Variants in IP6K2 observed in about 807,000 individuals in gnomAD.
IP6K2 encodes the protein inositol hexakisphosphate kinase 2, also known as ATP:1D-myo-inositol-hexakisphosphate phosphotransferase.
IP6K2 carries 9 observed loss-of-function variants against 43.3 expected under a neutral mutation model. The observed-to-expected ratio is 0.21, with a 90% CI of 0.13 to 0.36. IP6K2 has a LOEUF of 0.36. Ranked by LOEUF, IP6K2 falls within the 10% of genes least tolerant of loss-of-function variation. IP6K2 has a pLI of 1.00. For missense variants in IP6K2, 332 were observed against 538.4 expected (o/e 0.62, Z 3.79); for synonymous variants, 209 against 202.4 (o/e 1.03, Z -0.28).
intron 1 of IP6K2, chr3:48,716,468 G>A (rs968139049): frequency 6.6e-6 from 1 of 152,094 alleles, no homozygotes; most frequent in African/African-American, 2.4e-5. Flanking sequence ...ATATGAGAAC[G>A]AATACAATCC....
chr3:48,690,826 A>G (rs891379778), intron 4 of IP6K2, among the ~76,000 whole-genome samples: 3 of 151,880 alleles, frequency 2.0e-5, no homozygotes, highest in Non-Finnish European at 4.4e-5. Context: ...AGAGAGAGGA[A>G]AAAAAGAAAA....
intron 1 of IP6K2, among the ~76,000 whole-genome samples, chr3:48,716,127 T>C (rs552836904): frequency 6.6e-6 from 1 of 152,358 alleles, no homozygotes; most frequent in East Asian, 1.9e-4. Context: ...ATAAGCATCT[T>C]AGTTCACTTA....
chr3:48,704,008 C>T (rs2079385716), intron 1 of IP6K2, among the ~76,000 whole-genome samples: 1 of 152,072 alleles, frequency 6.6e-6, no homozygotes, highest in Non-Finnish European at 1.5e-5. Flanking sequence ...AGGAGAATTG[C>T]TTGAACCCAG....
intron 2 of IP6K2, chr3:48,693,565 A>G: frequency 1.7e-6 from 2 of 1,192,366 alleles, no homozygotes; most frequent in Non-Finnish European, 1.1e-6. Flanking sequence ...AGAAACTCCA[A>G]CAGCCTCATG....
At chr3:48,694,050 C>T in intron 2 of IP6K2, 1 of 1,441,150 alleles carries the variant, frequency 6.9e-7, no homozygotes, top group East Asian at 2.6e-5. Context: ...ACTCAATCTG[C>T]TCAGTCCTCG....
intron 1 of IP6K2, among the ~76,000 whole-genome samples, chr3:48,714,632 C>T (rs1245185229): frequency 6.6e-6 from 1 of 152,106 alleles, no homozygotes; most frequent in Non-Finnish European, 1.5e-5. Flanking sequence ...ACCTCATGAT[C>T]CAACCGCCTT....
At chr3:48,691,810 A>G (rs528392922) in intron 3 of IP6K2, among the ~76,000 whole-genome samples, 1 of 150,008 alleles carries the variant, frequency 6.7e-6, no homozygotes, top group African/African-American at 2.5e-5. Flanking sequence ...CAAAAAATAA[A>G]TAAATAAATA....
intron 1 of IP6K2, chr3:48,699,721 A>G (rs2078819002): frequency 6.6e-6 from 1 of 152,164 alleles, no homozygotes; most frequent in African/African-American, 2.4e-5. Context: ...TTTTAGTACC[A>G]GTTCTGCTAC....
intron 1 of IP6K2, chr3:48,715,166 G>A (rs991067148): frequency 2.3e-6 from 2 of 858,580 alleles, no homozygotes; most frequent in Non-Finnish European, 3.7e-6. Flanking sequence ...GTAATAACAT[G>A]AGAATAATCA....
chr3:48,692,053 G>A (rs1222882823), intron 3 of IP6K2, among the ~76,000 whole-genome samples: 2 of 151,932 alleles, frequency 1.3e-5, no homozygotes, highest in Non-Finnish European at 2.9e-5. Context: ...GGCTGGTCTC[G>A]AACTCCTGAC....
chr3:48,704,506 T>A (rs898978815), intron 1 of IP6K2, among the ~76,000 whole-genome samples: 1 of 151,470 alleles, frequency 6.6e-6, no homozygotes, highest in South Asian at 2.1e-4. Flanking sequence ...AGGGTCTCCA[T>A]TGTTAAGGCT....
chr3:48,698,530 C>T (rs967769096), intron 1 of IP6K2, among the ~76,000 whole-genome samples: 6 of 152,108 alleles, frequency 3.9e-5, no homozygotes, highest in Non-Finnish European at 1.5e-5. Flanking sequence ...AGTGCAGTGG[C>T]GCGACCTTGG....
intron 1 of IP6K2, among the ~76,000 whole-genome samples, chr3:48,698,709 T>C (rs1009169235): frequency 3.9e-5 from 6 of 152,084 alleles, no homozygotes; most frequent in African/African-American, 1.2e-4. Context: ...CTGACCTTAA[T>C]TGATCTGCCC....
intron 1 of IP6K2, among the ~76,000 whole-genome samples, chr3:48,711,668 A>C (rs1433744291): frequency 1.3e-5 from 2 of 152,246 alleles, no homozygotes; most frequent in Non-Finnish European, 2.9e-5. Flanking sequence ...AAAATTGAAA[A>C]TGTTTAATAA....
In IP6K2 at chr3:48,695,812, C is replaced by A. The variant is rs1256594856; in HGVS notation, c.-130-391G>T. Among the ~76,000 whole-genome samples, 1 of 148,306 alleles carries A rather than the reference C, an allele frequency of 6.7e-6. No individual in the cohort carries two copies. The highest frequency in any genetic ancestry group is 1.5e-5 in the Non-Finnish European group (1 of 67,326). Reference sequence around the variant, plus strand: ...AGCTTTAAGTGGATGATGCCCAGGTCTCCCATTAATTTTATATATTATATA... The same window carrying A: ...AGCTTTAAGTGGATGATGCCCAGGTATCCCATTAATTTTATATATTATATA... On this transcript the variant is annotated intron_variant, in intron 1 of 5. Transcript: ENST00000328631. This position sits in a 1 kb window ranked among gnomAD's most constrained non-coding sequence, Gnocchi z 4.6.
intron 1 of IP6K2, among the ~76,000 whole-genome samples, chr3:48,698,944 A>G (rs1399685515): frequency 6.6e-6 from 1 of 152,170 alleles, no homozygotes; most frequent in African/African-American, 2.4e-5. Flanking sequence ...GTCTTTTGCT[A>G]TCACAGCAAT....
intron 2 of IP6K2, 194 bp downstream of exon 2, chr3:48,694,896 A>G (rs1281200714): frequency 1.9e-6 from 3 of 1,541,008 alleles, no homozygotes; most frequent in Non-Finnish European, 2.6e-6. Context: ...GAATTGAGCA[A>G]TCTTACCAGG....
At chr3:48,706,274 C>T (rs2079771605) in intron 1 of IP6K2, among the ~76,000 whole-genome samples, 1 of 151,794 alleles carries the variant, frequency 6.6e-6, no homozygotes, top group South Asian at 2.1e-4. Context: ...CTCGGCAACA[C>T]AGCAAGACCC....
At chr3:48,691,186 C>G in intron 4 of IP6K2, 121 bp downstream of exon 4, 1 of 788,730 alleles carries the variant, frequency 1.3e-6, no homozygotes, top group South Asian at 1.7e-5. Context: ...TGGAATAACC[C>G]AGGTAGGAGA....
Sources: allele counts gnomAD v4.1 joint callset (sites outside exome capture counted in the v4.1 genomes callset), GRCh38; gene constraint gnomAD v4.1.1; non-coding constraint Gnocchi (gnomAD v3.1); transcripts MANE v1.5; gene names NCBI Gene and HGNC (gene_info 2026-07-23, HGNC 2026-07-21).